Variants in SLC26A4 observed in about 807,000 individuals in gnomAD.
SLC26A4 encodes the protein pendrin.
A neutral mutation model predicts 90.4 loss-of-function variants in SLC26A4; 93 were observed. The observed-to-expected ratio is 1.03, with a 90% CI of 0.87 to 1.22. SLC26A4 has a LOEUF of 1.22. Among genes scored for constraint, SLC26A4 ranks in the 50% most tolerant of loss-of-function variants. The pLI is 0.00. For missense variants in SLC26A4, 1,127 were observed against 946.2 expected (o/e 1.19, Z -2.51); for synonymous variants, 393 against 354.6 (o/e 1.11, Z -1.22).
chr7:107,673,969 G>T (rs1208140457), intron 4 of SLC26A4, among the ~76,000 whole-genome samples, 195 bp from the exon 5 acceptor site: 1 of 152,014 alleles, frequency 6.6e-6, no homozygotes, highest in African/African-American at 2.4e-5. Flanking sequence ...GGGCTCAAGC[G>T]ATCTTCCCAC....
chr7:107,687,265 A>T (rs1791446214), intron 8 of SLC26A4, among the ~76,000 whole-genome samples: 2 of 152,198 alleles, frequency 1.3e-5, no homozygotes, highest in Non-Finnish European at 2.9e-5. Flanking sequence ...GGAGAGTTAT[A>T]TCCACAGAAG....
chr7:107,668,296 G>A (rs1209558769), intron 3 of SLC26A4, among the ~76,000 whole-genome samples: 1 of 152,214 alleles, frequency 6.6e-6, no homozygotes, highest in East Asian at 1.9e-4. Context: ...GGGTGGAAGT[G>A]AAGACAGGAA....
intron 8 of SLC26A4, 123 bp downstream of exon 8, chr7:107,683,660 T>C (rs1255633379): frequency 8.8e-6 from 7 of 795,754 alleles, no homozygotes; most frequent in Admixed American, 4.8e-5. Context: ...CCTATTTGTG[T>C]GTGATCTGGA....
At chr7:107,691,161 A>G (rs1190897535) in intron 10 of SLC26A4, among the ~76,000 whole-genome samples, 1 of 151,414 alleles carries the variant, frequency 6.6e-6, no homozygotes, top group African/African-American at 2.4e-5. Context: ...ACACATGCAC[A>G]GTCTTCACAG....
chr7:107,692,159 A>G, intron 10 of SLC26A4: 1 of 1,056,064 alleles, frequency 9.5e-7, no homozygotes, highest in Non-Finnish European at 1.2e-6. Flanking sequence ...ACCCCCTGCC[A>G]CATACTGGCA....
chr7:107,703,133 G>A (rs1466530215), intron 17 of SLC26A4, among the ~76,000 whole-genome samples: 1 of 152,230 alleles, frequency 6.6e-6, no homozygotes, highest in African/African-American at 2.4e-5. Context: ...GGACTTAGCA[G>A]TCTGGAGGAG....
chr7:107,681,035 C>T (rs1303979207), intron 6 of SLC26A4, among the ~76,000 whole-genome samples: 2 of 152,112 alleles, frequency 1.3e-5, no homozygotes, highest in Non-Finnish European at 2.9e-5. Flanking sequence ...GTGCTAAATG[C>T]CCTAAGTTCT....
Position 107,672,147 on chromosome 7 carries a change from A to G in SLC26A4, c.314A>G (p.Tyr105Cys), listed in dbSNP as rs1442599990. The change falls in exon 4 of 21, where the codon TAT (tyrosine) becomes TGT (cysteine). Residue 105 changes from tyrosine to cysteine, a missense_variant. Physicochemically the swap from Tyr to Cys is radical, Grantham distance 194. Transcript: ENST00000644269. ...GLVATLQGMA[Y>C]ALLAAVPVGY... is the part of the protein sequence containing the mutation. ...TTGCATGTGCTTTCAGGGATGGCAT[A>G]TGCCCTACTAGCTGCAGTTCCTGTC... 5 of 1,607,200 alleles carry G rather than the reference A, an allele frequency of 3.1e-6. No individual in the cohort carries two copies. Among genetic ancestry groups the G allele is most frequent in the Non-Finnish European group, 4.3e-6 (5 of 1,173,872 alleles).
chr7:107,713,848 A>G (rs907294716), intron 20 of SLC26A4, among the ~76,000 whole-genome samples: 1 of 151,866 alleles, frequency 6.6e-6, no homozygotes, highest in Non-Finnish European at 1.5e-5. Context: ...AACTACACCT[A>G]TTTCTGCTGG....
At chr7:107,711,494 A>AT (rs1192469411) in intron 19 of SLC26A4, among the ~76,000 whole-genome samples, 1 of 152,040 alleles carries the variant, frequency 6.6e-6, no homozygotes, top group Non-Finnish European at 1.5e-5. Context: ...GCTGGGATGG[A>AT]TTTTTTTGGA....
In SLC26A4 at chr7:107,694,494, T is replaced by A. The variant is rs1484644471; in HGVS notation, c.1341+14T>A. 1 of 1,596,024 alleles carries A rather than the reference T, an allele frequency of 6.3e-7. No homozygotes were observed. The highest frequency in any genetic ancestry group is 8.6e-7 in the Non-Finnish European group (1 of 1,163,620). ...CCCTTGCAGAAGGTATAACCCTGCT[T>A]CTCTGCATACCGATTGCATAATTTC... On this transcript the variant is annotated intron_variant, in intron 11 of 20. Transcript: ENST00000644269.
intron 11 of SLC26A4, 42 bp from the exon 12 acceptor site, chr7:107,694,579 C>T: frequency 1.9e-6 from 3 of 1,556,024 alleles, no homozygotes; most frequent in East Asian, 2.2e-5. Flanking sequence ...ACATGGAAAA[C>T]CATTCCCTGA....
At chr7:107,709,603 C>T (rs1176409255) in intron 18 of SLC26A4, among the ~76,000 whole-genome samples, 2 of 152,112 alleles carry the variant, frequency 1.3e-5, no homozygotes, top group Non-Finnish European at 2.9e-5. Context: ...GAGAAGGGCA[C>T]AGCTGTGAAA....
At chr7:107,672,864 A>G (rs1790912835) in intron 4 of SLC26A4, among the ~76,000 whole-genome samples, 1 of 152,194 alleles carries the variant, frequency 6.6e-6, no homozygotes, top group African/African-American at 2.4e-5. Flanking sequence ...GTCCTAGTAA[A>G]TGAGTGTTTT....
At position 107,716,151 on chromosome 7, in the gene SLC26A4, A is replaced by G. The variant is rs1205043746; in HGVS notation, c.*705A>G. The G allele has an allele frequency of 1.3e-5, 2 of 152,268 alleles. No individual in the cohort carries two copies. The highest frequency in any genetic ancestry group is 2.9e-5 in the Non-Finnish European group (2 of 68,086). 9.4% of individuals were successfully genotyped at this position (152,268 alleles called of 1,614,324 possible). ...GTTTATAAAAATCTTTTTTGATATG[A>G]TAATAATCATGATCACAACTGAGAT... On this transcript the variant is annotated 3_prime_UTR_variant, in exon 21 of 21. Transcript: ENST00000644269.
intron 10 of SLC26A4, among the ~76,000 whole-genome samples, chr7:107,691,143 A>ACACACACACC (rs3076001): frequency 8.3e-6 from 1 of 120,488 alleles, no homozygotes; most frequent in Non-Finnish European, 1.8e-5. Context: ...ACACACACAC[A>ACACACACACC]TGCACACACA....
chr7:107,702,877 T>C (rs1243003026), intron 17 of SLC26A4, among the ~76,000 whole-genome samples: 1 of 152,072 alleles, frequency 6.6e-6, no homozygotes, highest in Non-Finnish European at 1.5e-5. Context: ...ACCAGGTGTA[T>C]GTTAGGACTG....
chr7:107,697,521 T>A (rs1791772843), intron 13 of SLC26A4, among the ~76,000 whole-genome samples: 1 of 152,214 alleles, frequency 6.6e-6, no homozygotes, highest in Admixed American at 6.5e-5. Context: ...ATCAATAGTC[T>A]GGTTGACAGG....
chr7:107,715,293 G>A lies in SLC26A4; in HGVS notation c.2320-130G>A, dbSNP rs1469823171. ...ATGAAGTTTTTACCCTATTTCTATT[G>A]TGATGATATACACCTAAGATGAGTA... is the stretch of plus-strand genomic sequence containing the variant. On this transcript the variant is annotated intron_variant, in intron 20 of 20. Transcript: ENST00000644269. The A allele has an allele frequency of 3.8e-6, 3 of 791,458 alleles. No homozygotes were observed. In the Admixed American group the frequency reaches 5.3e-5, roughly 14 times the overall value. 49.0% of individuals were successfully genotyped at this position (791,458 alleles called of 1,614,324 possible).
Sources: allele counts gnomAD v4.1 joint callset (sites outside exome capture counted in the v4.1 genomes callset), GRCh38; gene constraint gnomAD v4.1.1; transcripts MANE v1.5; gene names NCBI Gene and HGNC (gene_info 2026-07-23, HGNC 2026-07-21).